Variants in RGS21 observed in about 807,000 individuals in gnomAD.
RGS21 encodes regulator of G-protein signalling 21.
In RGS21, 19 loss-of-function variants were observed where a neutral mutation model predicts 18.7. That is an observed-to-expected ratio of 1.01 (90% confidence interval 0.71 to 1.49). The LOEUF is 1.49. RGS21 is among the 40% of genes most tolerant of loss of function. The pLI is 0.00. For synonymous variants in RGS21, 56 were observed against 57.8 expected, an observed-to-expected ratio of 0.97 and a Z score of 0.14; for missense variants, 194 against 176.8, an observed-to-expected ratio of 1.10 and a Z score of -0.55.
chr1:192,332,721 T>C (rs1658675633), intron 1 of RGS21, among the ~76,000 whole-genome samples: 1 of 152,186 alleles, frequency 6.6e-6, no homozygotes, highest in African/African-American at 2.4e-5. Flanking sequence ...AAGGAGTTCA[T>C]ATCTACTATA....
At chr1:192,353,629 T>C (rs768854575) in intron 4 of RGS21, among the ~76,000 whole-genome samples, 3 of 151,808 alleles carry the variant, frequency 2.0e-5, no homozygotes, top group African/African-American at 2.4e-5. Context: ...TAACACAAAA[T>C]GTCATCTTTT....
chr1:192,347,436 A>C (rs756865014), intron 3 of RGS21, 47 bp downstream of exon 3: 1 of 889,458 alleles, frequency 1.1e-6, no homozygotes, highest in Non-Finnish European at 1.8e-6. Context: ...ATTAAATATA[A>C]ATTATTAAAT....
At chr1:192,321,518 GTT>G (rs1262725717) in intron 1 of RGS21, among the ~76,000 whole-genome samples, 1 of 151,766 alleles carries the variant, frequency 6.6e-6, no homozygotes, top group Non-Finnish European at 1.5e-5. Flanking sequence ...GATCCTTGCT[GTT>G]TTCTGATTAT....
rs550053783 is a variant in RGS21, at chr1:192,330,874, A to G, written c.-60-12103A>G. 5.9e-5 allele frequency among the ~76,000 whole-genome samples: 9 copies of G among 152,346 alleles called. No homozygotes were observed. The South Asian group carries it at 1.7e-3, about 28-fold the overall frequency. On this transcript the variant is annotated intron_variant, in intron 1 of 4. Coordinates refer to ENST00000417209, the MANE Select transcript of RGS21 (RefSeq NM_001039152.3). ...AAAAATAAGGATTGAATGATAGACA[A>G]TTGAAAATGAATTCAGTTTTAAACA... is the stretch of plus-strand genomic sequence containing the variant.
At chr1:192,337,121 G>A (rs1040818194) in intron 1 of RGS21, among the ~76,000 whole-genome samples, 6 of 151,808 alleles carry the variant, frequency 4.0e-5, no homozygotes, top group Non-Finnish European at 8.8e-5. Context: ...AAATGTATTT[G>A]GATGTAATAG....
chr1:192,339,082 A>G (rs1223887597), intron 1 of RGS21, among the ~76,000 whole-genome samples: 3 of 152,106 alleles, frequency 2.0e-5, no homozygotes, highest in African/African-American at 7.2e-5. Flanking sequence ...TAATGCTCAG[A>G]AAGTTTCTGA....
intron 1 of RGS21, among the ~76,000 whole-genome samples, chr1:192,330,480 G>A (rs1190881907): frequency 6.6e-6 from 1 of 152,188 alleles, no homozygotes; most frequent in Non-Finnish European, 1.5e-5. Context: ...GTTGAAGCCA[G>A]ATTTTGGCAG....
At chr1:192,349,132 G>T (rs984033411) in intron 3 of RGS21, among the ~76,000 whole-genome samples, 1 of 152,006 alleles carries the variant, frequency 6.6e-6, no homozygotes, top group Non-Finnish European at 1.5e-5. Flanking sequence ...TTGCTAAAAG[G>T]CTTACTGAAT....
At chr1:192,317,812 C>A (rs920710676) in intron 1 of RGS21, among the ~76,000 whole-genome samples, 40 of 151,988 alleles carry the variant, frequency 2.6e-4, no homozygotes, top group African/African-American at 8.9e-4. Flanking sequence ...ATCTTCATGT[C>A]ACTCTAAGTA....
chr1:192,334,077 A>T (rs902327931), intron 1 of RGS21, among the ~76,000 whole-genome samples: 2 of 152,208 alleles, frequency 1.3e-5, no homozygotes, highest in African/African-American at 4.8e-5. Flanking sequence ...CATCATAATT[A>T]TAAAAAGATG....
intron 1 of RGS21, among the ~76,000 whole-genome samples, chr1:192,328,112 G>A (rs1186815649): frequency 6.6e-6 from 1 of 152,110 alleles, no homozygotes; most frequent in East Asian, 1.9e-4. Flanking sequence ...CTTTAAAAAA[G>A]AAGGCATACA....
intron 4 of RGS21, among the ~76,000 whole-genome samples, chr1:192,359,657 A>G (rs758747672): frequency 0.013 from 1,863 of 139,570 alleles, 20 homozygotes; most frequent in Middle Eastern, 0.063. Flanking sequence ...GTGTGTGTGT[A>G]TATATATATA....
intron 4 of RGS21, among the ~76,000 whole-genome samples, chr1:192,352,590 AAGTCAAT>A (rs1659059825): frequency 6.6e-6 from 1 of 152,130 alleles, no homozygotes. Flanking sequence ...GAATTAGACA[AAGTCAAT>A]ATGGATAGCA....
chr1:192,359,414 G>C (rs1571463598), intron 4 of RGS21, among the ~76,000 whole-genome samples: 1 of 151,896 alleles, frequency 6.6e-6, no homozygotes, highest in Non-Finnish European at 1.5e-5. Context: ...TGAGTTTCTA[G>C]AGTGTCACCT....
At chr1:192,345,617 G>T (rs1419038230) in intron 2 of RGS21, among the ~76,000 whole-genome samples, 1 of 151,972 alleles carries the variant, frequency 6.6e-6, no homozygotes, top group East Asian at 1.9e-4. Flanking sequence ...GAATGAATTT[G>T]TCTAGATTTT....
At position 192,367,135 on chromosome 1, in the gene RGS21, G is replaced by T. The variant is rs1333032539; in HGVS notation, c.*1011G>T. On this transcript the variant is annotated 3_prime_UTR_variant, in exon 5 of 5. Transcript: ENST00000417209. Reference sequence around the variant, plus strand: ...TTTCTTTGCACAGATTTATTTATCTGCATTGATATTTCTGCTTTTAGATTG... The same window carrying T: ...TTTCTTTGCACAGATTTATTTATCTTCATTGATATTTCTGCTTTTAGATTG... 1.3e-5 allele frequency: 2 copies of T among 151,844 alleles called. No individual in the cohort carries two copies. The highest frequency in any genetic ancestry group is 2.9e-5 in the Non-Finnish European group (2 of 67,914). The allele number at this position is 151,844 out of a possible 1,614,324, so 9.4% of individuals were successfully genotyped here. A position where few individuals can be genotyped will look rare whatever the true frequency, so the allele number is the denominator to read the frequency against.
intron 2 of RGS21, among the ~76,000 whole-genome samples, chr1:192,344,196 T>G (rs904317178): frequency 1.4e-4 from 21 of 152,084 alleles, no homozygotes; most frequent in African/African-American, 4.6e-4. Context: ...TTAGAGGAAT[T>G]ATAGTATTTC....
chr1:192,327,213 G>A (rs996567309), intron 1 of RGS21, among the ~76,000 whole-genome samples: 2 of 151,984 alleles, frequency 1.3e-5, no homozygotes, highest in African/African-American at 4.8e-5. Context: ...GGTATTACCA[G>A]GTGGCAAAGA....
intron 1 of RGS21, among the ~76,000 whole-genome samples, chr1:192,318,512 G>A (rs899751002): frequency 1.3e-5 from 2 of 152,034 alleles, no homozygotes; most frequent in Admixed American, 6.6e-5. Flanking sequence ...GCCTTTATGC[G>A]ATGTTGTCCT....
Sources: allele counts gnomAD v4.1 joint callset (sites outside exome capture counted in the v4.1 genomes callset), GRCh38; gene constraint gnomAD v4.1.1; transcripts MANE v1.5; gene names NCBI Gene and HGNC (gene_info 2026-07-23, HGNC 2026-07-21).